Variants in TMEM45B observed in about 807,000 individuals in gnomAD.
The protein encoded by TMEM45B is transmembrane protein 45B.
Under a neutral mutation model 27.3 loss-of-function variants are expected in TMEM45B, and 29 were observed. The ratio of observed to expected loss-of-function variants is 1.06; its 90% CI spans 0.79 to 1.45. The LOEUF (loss-of-function observed/expected upper bound fraction) is 1.45, where lower values mean the gene tolerates loss of function less well. TMEM45B is among the 40% of genes most tolerant of loss of function. The pLI is 0.00. For synonymous variants in TMEM45B, 143 were observed against 134.7 expected (o/e 1.06, Z -0.43); for missense variants, 348 against 343.9 (o/e 1.01, Z -0.09).
At chr11:129,853,136 T>C (rs1468869471) in intron 2 of TMEM45B, among the ~76,000 whole-genome samples, 1 of 152,170 alleles carries the variant, frequency 6.6e-6, no homozygotes, top group African/African-American at 2.4e-5. Context: ...TGTAGATTCG[T>C]AAATTAGCCA....
At position 129,858,732 on chromosome 11, in the gene TMEM45B, A is replaced by G; in HGVS notation, c.*47A>G. On this transcript the variant is annotated 3_prime_UTR_variant, in exon 6 of 6. Coordinates refer to ENST00000281441, the MANE Select transcript of TMEM45B (RefSeq NM_138788.5). Reference sequence around the variant, plus strand: ...ATGTCCCACTGCACAGCTGGAATGAATGGAGTTCATCCCCTCCACCTGAAT... The same window carrying G: ...ATGTCCCACTGCACAGCTGGAATGAGTGGAGTTCATCCCCTCCACCTGAAT... The G allele has an allele frequency of 7.2e-7, 1 of 1,396,934 alleles. No individual in the cohort carries two copies. The highest frequency in any genetic ancestry group is 1.2e-5 in the South Asian group (1 of 80,156). 86.5% of individuals were successfully genotyped at this position (1,396,934 alleles called of 1,614,324 possible).
At chr11:129,845,404 T>A (rs773102310) in intron 1 of TMEM45B, among the ~76,000 whole-genome samples, 14 of 151,506 alleles carry the variant, frequency 9.2e-5, no homozygotes, top group Non-Finnish European at 2.9e-5. Flanking sequence ...AGAGCTATTA[T>A]ATATTGGAAC....
chr11:129,848,447 A>G (rs966483636), intron 1 of TMEM45B, among the ~76,000 whole-genome samples: 6 of 152,220 alleles, frequency 3.9e-5, no homozygotes, highest in African/African-American at 1.4e-4. Flanking sequence ...GGTTGCAGTG[A>G]GCCGAGATGG....
intron 2 of TMEM45B, 128 bp downstream of exon 2, chr11:129,852,788 C>A: frequency 2.2e-6 from 2 of 930,018 alleles, no homozygotes; most frequent in Non-Finnish European, 3.2e-6. Context: ...TTCCTGATGG[C>A]CACTAGACTA....
chr11:129,837,600 T>TTTTTTTTTTTTTTTTTTTTA (rs1591441385), intron 1 of TMEM45B, among the ~76,000 whole-genome samples: 1 of 133,256 alleles, frequency 7.5e-6, no homozygotes. Context: ...TTTTTTTTTT[T>TTTTTTTTTTTTTTTTTTTTA]GAGACAGGGT....
At chr11:129,850,757 A>T (rs1947836374) in intron 1 of TMEM45B, among the ~76,000 whole-genome samples, 1 of 152,168 alleles carries the variant, frequency 6.6e-6, no homozygotes, top group Non-Finnish European at 1.5e-5. Context: ...ATCTCTAAGA[A>T]CGAGGCTTTC....
At chr11:129,847,957 G>GAT in intron 1 of TMEM45B, among the ~76,000 whole-genome samples, 1 of 152,176 alleles carries the variant, frequency 6.6e-6, no homozygotes, top group African/African-American at 2.4e-5. Context: ...CTTCCCAGTA[G>GAT]GGGCGGCCGG....
chr11:129,824,907 C>T (rs549514291), intron 1 of TMEM45B, among the ~76,000 whole-genome samples: 1 of 152,008 alleles, frequency 6.6e-6, no homozygotes, highest in Non-Finnish European at 1.5e-5. Context: ...ATGAAAAGGA[C>T]GTGCAATTTA....
intron 5 of TMEM45B, 33 bp downstream of exon 5, chr11:129,857,491 C>T: frequency 6.2e-7 from 1 of 1,612,452 alleles, no homozygotes; most frequent in Non-Finnish European, 8.5e-7. Flanking sequence ...GCTTTTCCTC[C>T]TAACTCTAAG....
chr11:129,853,168 AG>A (rs1947872817), intron 2 of TMEM45B, among the ~76,000 whole-genome samples: 1 of 152,178 alleles, frequency 6.6e-6, no homozygotes, highest in African/African-American at 2.4e-5. Flanking sequence ...AAAGCAGCAG[AG>A]GGCTGTTGAA....
chr11:129,829,923 A>G (rs1384422731), intron 1 of TMEM45B, among the ~76,000 whole-genome samples: 1 of 152,260 alleles, frequency 6.6e-6, no homozygotes, highest in Non-Finnish European at 1.5e-5. Context: ...TGCCAAGACA[A>G]TTCAATAGGG....
rs1427646601 is a variant in TMEM45B, at chr11:129,854,777, G to A, written c.346G>A (p.Val116Met). The A allele has an allele frequency of 1.2e-6, 2 of 1,614,048 alleles. No homozygotes were observed. The highest frequency in any genetic ancestry group is 2.7e-5 in the African/African-American group (2 of 74,942). Residue 116 changes from valine (V) to methionine (M), a missense_variant, in exon 3 of 6, where the codon GTG becomes ATG. By Grantham distance (21) the Val-to-Met change is conservative. Transcript: ENST00000281441. Reference protein sequence around the residue: ...TYLVSHVPLGVDRLVMAVAVF... With the variant: ...TYLVSHVPLGMDRLVMAVAVF... ...TCTGGTCAGCCACGTTCCCTTGGGG[G>A]TGGACAGACTGGTTATGGCTGTGGC...
intron 1 of TMEM45B, among the ~76,000 whole-genome samples, chr11:129,829,324 C>A (rs538985619): frequency 1.3e-5 from 2 of 152,332 alleles, no homozygotes; most frequent in South Asian, 4.1e-4. Context: ...TCTAACTCAG[C>A]CTTCCTCAGG....
intron 1 of TMEM45B, among the ~76,000 whole-genome samples, chr11:129,821,421 TACAC>T (rs1474841270): frequency 6.6e-6 from 1 of 152,192 alleles, no homozygotes; most frequent in African/African-American, 2.4e-5. Flanking sequence ...TCATTCTAAA[TACAC>T]ACACACTTTT....
At chr11:129,826,090 T>C (rs1947474670) in intron 1 of TMEM45B, among the ~76,000 whole-genome samples, 1 of 152,022 alleles carries the variant, frequency 6.6e-6, no homozygotes, top group Non-Finnish European at 1.5e-5. Flanking sequence ...ACTGCTTCTT[T>C]GTAGGTAATA....
chr11:129,855,812 G>A lies in TMEM45B; in HGVS notation c.490G>A (p.Glu164Lys), dbSNP rs773452606. ...LFGGCVSISLEVIFRDHIVLE... is the reference protein window; with the variant it reads ...LFGGCVSISLKVIFRDHIVLE... ...CGGAGGGTGTGTTAGTATCTCCCTA[G>A]AGGTGATCTTCCGGGACCACATTGT... Residue 164 changes from glutamate (E) to lysine (K), a missense_variant, in exon 4 of 6, where the codon GAG becomes AAG. Physicochemically the swap from Glu to Lys is moderately conservative, Grantham distance 56. Transcript: ENST00000281441. 4.3e-6 allele frequency: 7 copies of A among 1,614,122 alleles called. No individual in the cohort carries two copies. In the South Asian group the frequency reaches 7.7e-5, roughly 18 times the overall value.
At chr11:129,846,175 C>T (rs1947758171) in intron 1 of TMEM45B, among the ~76,000 whole-genome samples, 1 of 152,048 alleles carries the variant, frequency 6.6e-6, no homozygotes, top group African/African-American at 2.4e-5. Flanking sequence ...CAGAATAAAA[C>T]AAAAGTGTTA....
At chr11:129,823,722 A>G (rs755841223) in intron 1 of TMEM45B, among the ~76,000 whole-genome samples, 2 of 152,158 alleles carry the variant, frequency 1.3e-5, no homozygotes, top group Non-Finnish European at 2.9e-5. Context: ...TCTAACTACT[A>G]GGACTCTAAG....
intron 1 of TMEM45B, among the ~76,000 whole-genome samples, chr11:129,817,276 G>T (rs1387415378): frequency 6.6e-6 from 1 of 152,160 alleles, no homozygotes; most frequent in African/African-American, 2.4e-5. Context: ...TAACCTGGAT[G>T]TTGTGCAGTG....
Sources: gnomAD v4.1 joint callset for allele counts (sites outside exome capture counted in the v4.1 genomes callset) on GRCh38, gnomAD v4.1.1 for gene constraint, MANE v1.5 for transcripts, NCBI Gene and HGNC (gene_info 2026-07-23, HGNC 2026-07-21) for gene names.